SCFD2: variants seen among roughly 807,000 people sequenced by gnomAD.
SCFD2 encodes sec1 family domain containing 2.
In SCFD2, 54 loss-of-function variants were observed where a neutral mutation model predicts 58.9. That is an observed-to-expected ratio of 0.92 (90% CI 0.74 to 1.15). The LOEUF is 1.15. SCFD2 is among the 50% of genes most tolerant of loss of function. SCFD2 has a pLI of 0.00. For missense variants in SCFD2, 805 were observed against 836.6 expected, an observed-to-expected ratio of 0.96 and a Z score of 0.47; for synonymous variants, 321 against 335.9, an observed-to-expected ratio of 0.96 and a Z score of 0.49.
chr4:53,239,809 A>C (rs1359740807), intron 4 of SCFD2, among the ~76,000 whole-genome samples: 3 of 152,090 alleles, frequency 2.0e-5, no homozygotes, highest in African/African-American at 7.2e-5. Flanking sequence ...TGCTACTTAC[A>C]TTTCACTGTA....
At chr4:53,340,424 C>T (rs183763755) in intron 2 of SCFD2, among the ~76,000 whole-genome samples, 32 of 152,300 alleles carry the variant, frequency 2.1e-4, no homozygotes, top group African/African-American at 7.5e-4. Context: ...GGGGTGCCCA[C>T]CATTGCTGAG....
At chr4:53,273,785 A>T (rs1731246758) in intron 4 of SCFD2, 41 bp downstream of exon 4, 1 of 1,535,044 alleles carries the variant, frequency 6.5e-7, no homozygotes, top group African/African-American at 1.4e-5. Context: ...AAGTCAAAAC[A>T]TTAATTATTA....
Position 53,254,982 on chromosome 4 carries a change from C to T in SCFD2, c.1311+18844G>A, listed in dbSNP as rs192039526. ...CCGCCTCCTGGGTTCACGCCATTCT[C>T]CTGCCTCAGCCTCCCCAGCAGCTGG... On this transcript the variant is annotated intron_variant, in intron 4 of 8. Coordinates refer to ENST00000401642, the MANE Select transcript of SCFD2 (RefSeq NM_152540.4). Among the ~76,000 whole-genome samples the T allele has an allele frequency of 5.2e-3, 781 of 150,546 alleles. 31 individuals carry two copies. The East Asian group carries it at 0.084, about 16-fold the overall frequency.
chr4:53,062,865 C>T (rs1167330644), intron 5 of SCFD2, among the ~76,000 whole-genome samples: 1 of 152,078 alleles, frequency 6.6e-6, no homozygotes, highest in Non-Finnish European at 1.5e-5. Context: ...TTTTTGAGCA[C>T]CATCCAGGGA....
chr4:53,028,502 G>GAACT (rs1171858277), intron 5 of SCFD2, among the ~76,000 whole-genome samples: 4 of 152,046 alleles, frequency 2.6e-5, no homozygotes, highest in African/African-American at 9.7e-5. Flanking sequence ...AATCAAGGAG[G>GAACT]AACTATGTCT....
chr4:53,141,275 G>A (rs1726155774), intron 5 of SCFD2, among the ~76,000 whole-genome samples: 2 of 152,084 alleles, frequency 1.3e-5, no homozygotes, highest in African/African-American at 4.8e-5. Context: ...TAAGATGAGA[G>A]GAAATATATT....
At chr4:53,265,489 A>G (rs183098671) in intron 4 of SCFD2, 2 of 152,268 alleles carry the variant, frequency 1.3e-5, no homozygotes, top group East Asian at 3.9e-4. Flanking sequence ...ACGAATTTGC[A>G]TGTCATCTTT....
intron 5 of SCFD2, among the ~76,000 whole-genome samples, chr4:53,072,193 G>C (rs543031414): frequency 2.0e-5 from 3 of 152,080 alleles, no homozygotes; most frequent in African/African-American, 7.2e-5. Flanking sequence ...CCAGATGAGA[G>C]ACAAAGATGG....
chr4:53,044,520 C>CCTTCCTTCCTTCCTTCCTT (rs1722979369), intron 5 of SCFD2, among the ~76,000 whole-genome samples: 1 of 142,990 alleles, frequency 7.0e-6, no homozygotes, highest in African/African-American at 2.9e-5. Context: ...CTTCCTTCCT[C>CCTTCCTTCCTTCCTTCCTT]CCTCCCTCTC....
intron 2 of SCFD2, among the ~76,000 whole-genome samples, chr4:53,317,820 T>A (rs1560444429): frequency 1.3e-5 from 2 of 152,330 alleles, no homozygotes; most frequent in South Asian, 2.1e-4. Flanking sequence ...ATGGGGATGG[T>A]AATAGTACAT....
At chr4:53,249,264 C>CA (rs1350283516) in intron 4 of SCFD2, among the ~76,000 whole-genome samples, 1 of 151,932 alleles carries the variant, frequency 6.6e-6, no homozygotes, top group Non-Finnish European at 1.5e-5. Flanking sequence ...GAAAAAAGAA[C>CA]AAAAAGAAAC....
intron 4 of SCFD2, among the ~76,000 whole-genome samples, chr4:53,239,671 G>C (rs1577883153): frequency 6.6e-6 from 1 of 152,008 alleles, no homozygotes; most frequent in South Asian, 2.1e-4. Context: ...TTTTAGTAGA[G>C]ACGGGTTTTT....
intron 5 of SCFD2, among the ~76,000 whole-genome samples, chr4:52,981,234 A>G (rs1721369472): frequency 6.6e-6 from 1 of 152,206 alleles, no homozygotes; most frequent in Admixed American, 6.5e-5. Context: ...TAGAATGCCA[A>G]TGAACATACA....
chr4:53,036,978 TA>T (rs1722780428), intron 5 of SCFD2, among the ~76,000 whole-genome samples: 1 of 152,150 alleles, frequency 6.6e-6, no homozygotes, highest in African/African-American at 2.4e-5. Context: ...AAAGGAGCAG[TA>T]AGGGGAAACT....
intron 4 of SCFD2, among the ~76,000 whole-genome samples, chr4:53,245,297 T>C (rs1026325736): frequency 6.6e-6 from 1 of 151,748 alleles, no homozygotes; most frequent in East Asian, 1.9e-4. Flanking sequence ...GGTGGAGACA[T>C]CAAAAAAAGG....
Position 53,313,507 on chromosome 4 carries a change from T to C in SCFD2, c.1135+129A>G, listed in dbSNP as rs1482594909. The C allele has an allele frequency of 3.2e-5, 32 of 997,082 alleles. No individual in the cohort carries two copies. The East Asian group carries it at 7.5e-4, about 23-fold the overall frequency. The allele number at this position is 997,082 out of a possible 1,614,324, so 61.8% of individuals were successfully genotyped here. A position where few individuals can be genotyped will look rare whatever the true frequency, so the allele number is the denominator to read the frequency against. On this transcript the variant is annotated intron_variant, in intron 3 of 8. Transcript: ENST00000401642. ...CAGCGTGCACATATTCCTTCCCTAT[T>C]CTTTCAACAGTATACAAAAGTCGTT...
At chr4:52,958,255 T>C (rs1189655032) in intron 5 of SCFD2, among the ~76,000 whole-genome samples, 1 of 152,242 alleles carries the variant, frequency 6.6e-6, no homozygotes, top group Non-Finnish European at 1.5e-5. Flanking sequence ...TGCAAGGTTA[T>C]GAACTTGTGC....
chr4:53,088,751 C>T lies in SCFD2; in HGVS notation c.1561+56582G>A, dbSNP rs1460895892. ...GTGGGTTTTAAATTTTAGGTTGATG[C>T]TGGAATGAATCAAGATTTTGAGGAC... On this transcript the variant is annotated intron_variant, in intron 5 of 8. Coordinates refer to ENST00000401642, the MANE Select transcript of SCFD2 (RefSeq NM_152540.4). Among the ~76,000 whole-genome samples, 5 of 152,118 alleles carry T rather than the reference C, an allele frequency of 3.3e-5. No individual in the cohort carries two copies. The East Asian group carries it at 7.7e-4, about 24-fold the overall frequency.
rs569134000 is a variant in SCFD2, at chr4:53,354,445, G to A, written c.839-1679C>T. On this transcript the variant is annotated intron_variant, in intron 1 of 8. Transcript: ENST00000401642. The stretch of plus-strand genomic sequence containing the variant: ...GCGCCGCAGTGCAGGCCTGGTTCCT[G>A]CCCGTGCCTCTTCCTCCACATCTCC... Among the ~76,000 whole-genome samples the A allele has an allele frequency of 1.6e-4, 24 of 152,326 alleles. No homozygotes were observed. The East Asian group carries it at 4.4e-3, about 28-fold the overall frequency.
Sources: gnomAD v4.1 joint callset for allele counts (sites outside exome capture counted in the v4.1 genomes callset) on GRCh38, gnomAD v4.1.1 for gene constraint, MANE v1.5 for transcripts, NCBI Gene and HGNC (gene_info 2026-07-23, HGNC 2026-07-21) for gene names.